PCDHA8: variants seen among roughly 807,000 people sequenced by gnomAD.
The protein encoded by PCDHA8 is protocadherin alpha 8.
A neutral mutation model predicts 61.8 loss-of-function variants in PCDHA8; 53 were observed. The ratio of observed to expected loss-of-function variants is 0.86; its 90% CI spans 0.69 to 1.08. The LOEUF (loss-of-function observed/expected upper bound fraction) is 1.08, where lower values mean the gene tolerates loss of function less well. PCDHA8 is among the 50% of genes least tolerant of loss of function. PCDHA8 has a pLI of 0.00. For missense variants in PCDHA8, 1,293 were observed against 1,245.0 expected (o/e 1.04, Z -0.58); for synonymous variants, 618 against 556.6 (o/e 1.11, Z -1.55).
chr5:141,010,233 G>C lies in PCDHA8; in HGVS notation c.*296G>C, dbSNP rs1156230400. ...AAGGAGAGGCTTCCCAGCCCCGCCA[G>C]TGAGAGGTTGGACTCTCTGCCCTGT... On this transcript the variant is annotated 3_prime_UTR_variant, in exon 4 of 4. Transcript: ENST00000531613. 1.9e-6 allele frequency: 3 copies of C among 1,551,812 alleles called. No homozygotes were observed. The highest frequency in any genetic ancestry group is 2.6e-6 in the Non-Finnish European group (3 of 1,147,042).
At chr5:140,982,453 C>T (rs1554244194) in intron 2 of PCDHA8, 22 bp from the exon 3 acceptor site, 5 of 1,613,812 alleles carry the variant, frequency 3.1e-6, no homozygotes, top group African/African-American at 1.3e-5. Context: ...TAACCGTTAT[C>T]TGGGTCTGTG....
intron 1 of PCDHA8, chr5:140,860,608 A>G (rs1266938252): frequency 6.6e-6 from 1 of 152,266 alleles, no homozygotes; most frequent in African/African-American, 2.4e-5. Flanking sequence ...GCTCACAAAG[A>G]GAAACATAAA....
intron 1 of PCDHA8, among the ~76,000 whole-genome samples, chr5:140,923,034 C>T (rs1252133915): frequency 6.6e-6 from 1 of 152,174 alleles, no homozygotes; most frequent in Non-Finnish European, 1.5e-5. Context: ...TCTATTACTA[C>T]ATGTATAGTA....
chr5:140,917,324 C>CGGGGGGGGGGGGG (rs1299895515), intron 1 of PCDHA8, among the ~76,000 whole-genome samples: 2 of 76,122 alleles, frequency 2.6e-5, no homozygotes, highest in Admixed American at 1.5e-4. Context: ...GTTCATGTGG[C>CGGGGGGGGGGGGG]GGGGGAGGGG....
rs1422466475 is a variant in PCDHA8 at position 140,877,665 on chromosome 5, G to A, written c.2394+33950G>A. 5.0e-6 allele frequency: 8 copies of A among 1,613,522 alleles called. No homozygotes were observed. In the African/African-American group the frequency reaches 8.0e-5, roughly 16 times the overall value. On this transcript the variant is annotated intron_variant, in intron 1 of 3. Coordinates refer to ENST00000531613, the MANE Select transcript of PCDHA8 (RefSeq NM_018911.3). ...GCTCAGCGCCGCCCACCGTGAGCCGGTGCGCGCCGGGCAAGCCCACGCTGG... is the reference window on the plus strand; with the variant it reads ...GCTCAGCGCCGCCCACCGTGAGCCGATGCGCGCCGGGCAAGCCCACGCTGG...
At chr5:140,925,643 T>TAATAATAATAAG (rs1195362666) in intron 1 of PCDHA8, among the ~76,000 whole-genome samples, 1 of 99,548 alleles carries the variant, frequency 1.0e-5, no homozygotes, top group Non-Finnish European at 2.0e-5. Context: ...ACTTAAAGTA[T>TAATAATAATAAG]AATAATAATA....
At chr5:140,912,312 T>C (rs2075860793) in intron 1 of PCDHA8, among the ~76,000 whole-genome samples, 1 of 151,960 alleles carries the variant, frequency 6.6e-6, no homozygotes, top group African/African-American at 2.4e-5. Flanking sequence ...TCCAGTCAAG[T>C]TGACCCTCAG....
At chr5:140,958,923 T>C (rs535689053) in intron 1 of PCDHA8, among the ~76,000 whole-genome samples, 1 of 148,814 alleles carries the variant, frequency 6.7e-6, no homozygotes, top group South Asian at 2.1e-4. Flanking sequence ...CTGGGTGTGG[T>C]GGCTCATACT....
intron 1 of PCDHA8, chr5:140,867,192 C>T (rs2049812222): frequency 1.3e-5 from 2 of 152,080 alleles, no homozygotes; most frequent in African/African-American, 4.8e-5. Flanking sequence ...CGCAAGACTC[C>T]ACATTCCATG....
chr5:140,956,644 C>G (rs2095298403), intron 1 of PCDHA8, among the ~76,000 whole-genome samples: 1 of 152,096 alleles, frequency 6.6e-6, no homozygotes, highest in Non-Finnish European at 1.5e-5. Flanking sequence ...GTTTTGGTAT[C>G]AGGATGATGC....
intron 1 of PCDHA8, among the ~76,000 whole-genome samples, chr5:140,975,967 A>C (rs2096692306): frequency 6.6e-6 from 1 of 152,176 alleles, no homozygotes; most frequent in African/African-American, 2.4e-5. Context: ...TCACCAATAG[A>C]AAGTAAGCAT....
At position 140,841,504 on chromosome 5, in the gene PCDHA8, G is replaced by T. The variant is rs2150316836; in HGVS notation, c.183G>T (p.Pro61=). 2 of 1,613,362 alleles carry T rather than the reference G, an allele frequency of 1.2e-6. No homozygotes were observed. Among genetic ancestry groups the T allele is most frequent in the East Asian group, 4.5e-5 (2 of 44,880 alleles). Residue 61 remains proline (P), a synonymous_variant, in exon 1 of 4, where the codon CCG becomes CCT. Transcript: ENST00000531613. ...GGCTGGAGCTGGCGGAGCTGGTGCCGCGCCTGTTCCGGGTGGCGTCCAAAA... is the reference window on the plus strand; with the variant it reads ...GGCTGGAGCTGGCGGAGCTGGTGCCTCGCCTGTTCCGGGTGGCGTCCAAAA... ...DLGLELAELV[P]RLFRVASKRH... is the part of the protein sequence containing the mutation.
Position 140,979,718 on chromosome 5 carries a change from T to C in PCDHA8, c.2453+711T>C, listed in dbSNP as rs372148471. Among the ~76,000 whole-genome samples, 17 of 152,388 alleles carry C rather than the reference T, an allele frequency of 1.1e-4. No homozygotes were observed. The East Asian group carries it at 2.7e-3, about 24-fold the overall frequency. On this transcript the variant is annotated intron_variant, in intron 2 of 3. Transcript: ENST00000531613. ...ATTTCTGGAGGTGATCCAGTATCCA[T>C]GCCATGGGGCCAAATAAAAGATTCA...
chr5:140,857,818 G>T, intron 1 of PCDHA8: 1 of 1,597,774 alleles, frequency 6.3e-7, no homozygotes, highest in Non-Finnish European at 8.6e-7. Flanking sequence ...GTCACGTGGT[G>T]GCTAAGGTGC....
chr5:140,967,974 G>A (rs782644202), intron 1 of PCDHA8: 3 of 1,614,204 alleles, frequency 1.9e-6, no homozygotes, highest in South Asian at 1.1e-5. Flanking sequence ...GTGAGCCTGG[G>A]TCTGGAGGCC....
At chr5:140,884,758 C>T in intron 1 of PCDHA8, 2 of 1,424,736 alleles carry the variant, frequency 1.4e-6, no homozygotes, top group Middle Eastern at 4.1e-4. Flanking sequence ...TCAAATTATT[C>T]TTTACTTTAA....
At chr5:140,854,919 A>G (rs1554147504) in intron 1 of PCDHA8, among the ~76,000 whole-genome samples, 1 of 150,004 alleles carries the variant, frequency 6.7e-6, no homozygotes, top group African/African-American at 2.4e-5. Context: ...GGTTGAAAGC[A>G]TTTGCCTCTG....
intron 1 of PCDHA8, among the ~76,000 whole-genome samples, chr5:140,916,248 T>C (rs2077492943): frequency 6.6e-6 from 1 of 152,180 alleles, no homozygotes; most frequent in Admixed American, 6.5e-5. Flanking sequence ...AGCCTGGACT[T>C]GGGGACCCCA....
At position 140,987,235 on chromosome 5, in the gene PCDHA8, T is replaced by G. The variant is rs189203030; in HGVS notation, c.2542+4672T>G. Among the ~76,000 whole-genome samples, 565 of 151,370 alleles carry G rather than the reference T, an allele frequency of 3.7e-3. 4 individuals are homozygous for G. The highest frequency in any genetic ancestry group is 0.013 in the African/African-American group (539 of 41,236). On this transcript the variant is annotated intron_variant, in intron 3 of 3. Transcript: ENST00000531613. Reference sequence around the variant, plus strand: ...TCTCAAAAAAAAAAAAAATAATAAATAAAGAAAGAAAGACATTCTCAGGAA... The same window carrying G: ...TCTCAAAAAAAAAAAAAATAATAAAGAAAGAAAGAAAGACATTCTCAGGAA...
Sources: gnomAD v4.1 joint callset for allele counts (sites outside exome capture counted in the v4.1 genomes callset) on GRCh38, gnomAD v4.1.1 for gene constraint, MANE v1.5 for transcripts, NCBI Gene and HGNC (gene_info 2026-07-23, HGNC 2026-07-21) for gene names.